The following DGKB variants were observed in gnomAD, a reference collection of about 807,000 sequenced individuals.
DGKB encodes the protein diacylglycerol kinase beta.
DGKB carries 67 observed loss-of-function variants against 114.3 expected under a neutral mutation model. The ratio of observed to expected loss-of-function variants is 0.59; its 90% CI spans 0.48 to 0.72. The LOEUF (loss-of-function observed/expected upper bound fraction) is 0.72. Among genes scored for constraint, DGKB ranks in the 30% least tolerant of loss-of-function variants. DGKB has a pLI of 0.00. For synonymous variants in DGKB, 398 were observed against 323.1 expected (o/e 1.23, Z -2.49); for missense variants, 907 against 975.2 (o/e 0.93, Z 0.93).
intron 23 of DGKB, among the ~76,000 whole-genome samples, chr7:14,231,101 TTCTTTCTTTCTTTCTTTCTTTCTTTC>T (rs1265194622): frequency 8.5e-6 from 1 of 117,688 alleles, no homozygotes; most frequent in African/African-American, 3.2e-5. Flanking sequence ...CTTTCTTTCT[TTCTTTCTTTCTTTCTTTCTTTCTTTC>T]TTTCTTTCTT....
At chr7:14,728,232 T>C (rs1830308853) in intron 5 of DGKB, among the ~76,000 whole-genome samples, 1 of 152,200 alleles carries the variant, frequency 6.6e-6, no homozygotes, top group African/African-American at 2.4e-5. Flanking sequence ...CAATCTGAAA[T>C]ATCTTCTGGA....
At chr7:14,355,611 A>G (rs960531928) in intron 21 of DGKB, among the ~76,000 whole-genome samples, 2 of 152,242 alleles carry the variant, frequency 1.3e-5, no homozygotes, top group African/African-American at 4.8e-5. Context: ...CCAGCCTTGC[A>G]TCCCAGGGAT....
intron 1 of DGKB, among the ~76,000 whole-genome samples, chr7:14,931,087 G>A (rs1490509919): frequency 1.3e-5 from 2 of 150,558 alleles, no homozygotes; most frequent in Non-Finnish European, 3.0e-5. Flanking sequence ...ACGTTTTGAT[G>A]TGCTGTTAGA....
intron 5 of DGKB, among the ~76,000 whole-genome samples, chr7:14,721,243 C>T (rs1458292086): frequency 6.6e-6 from 1 of 152,186 alleles, no homozygotes; most frequent in Non-Finnish European, 1.5e-5. Flanking sequence ...TGTACTTATA[C>T]AACTAAGGTA....
intron 1 of DGKB, among the ~76,000 whole-genome samples, chr7:14,847,235 G>C (rs1196158973): frequency 6.7e-6 from 1 of 148,694 alleles, no homozygotes; most frequent in Non-Finnish European, 1.5e-5. Flanking sequence ...AGCTTGCAGT[G>C]AGCCGAGATG....
intron 23 of DGKB, among the ~76,000 whole-genome samples, chr7:14,260,109 AACACACACACACACACACACAC>A (rs72000049): frequency 1.4e-5 from 2 of 143,298 alleles, no homozygotes; most frequent in Non-Finnish European, 3.0e-5. Context: ...CACACACATG[AACACACACACACACACACACAC>A]ACACACAGTT....
chr7:14,189,646 A>C (rs1026092992), intron 23 of DGKB, among the ~76,000 whole-genome samples: 1 of 152,158 alleles, frequency 6.6e-6, no homozygotes, highest in Non-Finnish European at 1.5e-5. Context: ...ATAAGACCCA[A>C]CTATATACTA....
At chr7:14,880,745 T>C (rs376569645) in intron 1 of DGKB, among the ~76,000 whole-genome samples, 2 of 152,324 alleles carry the variant, frequency 1.3e-5, no homozygotes, top group East Asian at 3.9e-4. Context: ...TAACGACGTC[T>C]CTAGGAGCCT....
intron 25 of DGKB, among the ~76,000 whole-genome samples, chr7:14,170,045 A>G (rs1405201169): frequency 1.3e-5 from 2 of 151,424 alleles, no homozygotes; most frequent in Admixed American, 6.6e-5. Context: ...GAGGCAGGAG[A>G]ATCGCTTGAA....
Position 14,523,152 on chromosome 7 carries a change from G to C in DGKB, c.1771-44927C>G, listed in dbSNP as rs1327365030. Among the ~76,000 whole-genome samples, 3 of 152,210 alleles carry C rather than the reference G, an allele frequency of 2.0e-5. No individual in the cohort carries two copies. In the East Asian group the frequency reaches 5.8e-4, roughly 29 times the overall value. On this transcript the variant is annotated intron_variant, in intron 20 of 25. Transcript: ENST00000402815. ...GATGTTAGATATATTTTTAAACTATGGTTTTAAGTAGATTTCCTTCCTAAA... is the reference window on the plus strand; with the variant it reads ...GATGTTAGATATATTTTTAAACTATCGTTTTAAGTAGATTTCCTTCCTAAA...
chr7:14,247,746 A>G (rs1004181129), intron 23 of DGKB, among the ~76,000 whole-genome samples: 2 of 151,928 alleles, frequency 1.3e-5, no homozygotes, highest in South Asian at 2.1e-4. Context: ...TTTTACTATT[A>G]ACTCTTTATC....
At chr7:14,893,474 C>G (rs917036573) in intron 1 of DGKB, among the ~76,000 whole-genome samples, 1 of 151,310 alleles carries the variant, frequency 6.6e-6, no homozygotes, top group Non-Finnish European at 1.5e-5. Context: ...TAGGATATGT[C>G]AAGATTTGTT....
chr7:14,937,025 T>TACACACACACACAC (rs56176139), intron 1 of DGKB, among the ~76,000 whole-genome samples: 1 of 132,284 alleles, frequency 7.6e-6, no homozygotes, highest in African/African-American at 2.8e-5. Context: ...GTCCATTCAC[T>TACACACACACACAC]ACACACACAC....
intron 21 of DGKB, among the ~76,000 whole-genome samples, chr7:14,361,854 C>G (rs1377986178): frequency 6.6e-6 from 1 of 151,950 alleles, no homozygotes; most frequent in African/African-American, 2.4e-5. Flanking sequence ...AGCCAAATCA[C>G]CCTTTTTTCC....
intron 23 of DGKB, among the ~76,000 whole-genome samples, chr7:14,312,710 T>C (rs1002719296): frequency 5.3e-5 from 8 of 152,214 alleles, no homozygotes; most frequent in African/African-American, 1.7e-4. Context: ...GGTAAAATTA[T>C]GGTTATTCAG....
chr7:14,562,693 G>A (rs1169941471), intron 20 of DGKB, among the ~76,000 whole-genome samples: 1 of 152,150 alleles, frequency 6.6e-6, no homozygotes, highest in East Asian at 1.9e-4. Context: ...CTCCCATTTG[G>A]AATGAGTGTA....
intron 23 of DGKB, among the ~76,000 whole-genome samples, chr7:14,265,646 T>C (rs1797401116): frequency 6.6e-6 from 1 of 152,114 alleles, no homozygotes; most frequent in African/African-American, 2.4e-5. Flanking sequence ...TAAGCTATGG[T>C]ATAACTACCT....
At chr7:14,363,344 T>C (rs1236247518) in intron 21 of DGKB, among the ~76,000 whole-genome samples, 1 of 152,144 alleles carries the variant, frequency 6.6e-6, no homozygotes, top group East Asian at 1.9e-4. Flanking sequence ...CTCTATCATA[T>C]TGTATAGCAG....
chr7:14,901,452 C>A (rs190692260), intron 1 of DGKB, among the ~76,000 whole-genome samples: 168 of 152,224 alleles, frequency 1.1e-3, no homozygotes, highest in African/African-American at 4.0e-3. Flanking sequence ...TGGACGTATC[C>A]AGATTAAAAT....
Sources: allele counts gnomAD v4.1 joint callset (sites outside exome capture counted in the v4.1 genomes callset), GRCh38; gene constraint gnomAD v4.1.1; transcripts MANE v1.5; gene names NCBI Gene and HGNC (gene_info 2026-07-23, HGNC 2026-07-21).